Variants in RASSF3 observed in about 807,000 individuals in gnomAD.
RASSF3 encodes the protein ras association domain-containing protein 3.
RASSF3 carries 19 observed loss-of-function variants against 19.9 expected under a neutral mutation model. The observed-to-expected ratio is 0.96, with a 90% CI of 0.67 to 1.40. RASSF3 has a LOEUF of 1.40. Ranked by LOEUF, RASSF3 falls within the 40% of genes most tolerant of loss-of-function variation. The pLI is 0.00. For synonymous variants in RASSF3, 110 were observed against 104.2 expected (o/e 1.06, Z -0.34); for missense variants, 306 against 289.8 (o/e 1.06, Z -0.41).
intron 1 of RASSF3, among the ~76,000 whole-genome samples, chr12:64,682,288 C>T (rs895250063): frequency 5.3e-4 from 81 of 152,190 alleles, no homozygotes; most frequent in Admixed American, 5.2e-4. Context: ...ATAGGCCGGG[C>T]GCCACGAGAT....
Position 64,697,095 on chromosome 12 carries a change from T to G in RASSF3, c.*2183T>G, listed in dbSNP as rs1386769719. 1 of 151,212 alleles carries G rather than the reference T, an allele frequency of 6.6e-6. No individual in the cohort carries two copies. The highest frequency in any genetic ancestry group is 1.5e-5 in the Non-Finnish European group (1 of 67,894). The allele number at this position is 151,212 out of a possible 1,614,324, so 9.4% of individuals were successfully genotyped here. On this transcript the variant is annotated 3_prime_UTR_variant, in exon 5 of 5. Transcript: ENST00000542104. ...TTTTTTTTTTTTTACTTGAAGTAGATTGTCTGAATAGGCATCCTCATCTAT... is the reference window on the plus strand; with the variant it reads ...TTTTTTTTTTTTTACTTGAAGTAGAGTGTCTGAATAGGCATCCTCATCTAT...
intron 1 of RASSF3, among the ~76,000 whole-genome samples, chr12:64,649,158 A>C (rs151143939): frequency 6.7e-6 from 1 of 149,824 alleles, no homozygotes; most frequent in Admixed American, 6.7e-5. Flanking sequence ...GGAGCTTCTA[A>C]TTGGTGTTCT....
chr12:64,675,856 A>C lies in RASSF3; in HGVS notation c.112-8931A>C, dbSNP rs534526930. Among the ~76,000 whole-genome samples the C allele has an allele frequency of 1.2e-4, 18 of 152,200 alleles. No homozygotes were observed. The South Asian group carries it at 3.5e-3, about 30-fold the overall frequency. ...CCGCTTACAAGCTGAACTCAGGCAA[A>C]ATGAACTCCTGAATCCTCACATAAA... On this transcript the variant is annotated intron_variant, in intron 1 of 4. Transcript: ENST00000542104.
intron 2 of RASSF3, among the ~76,000 whole-genome samples, chr12:64,592,171 G>A (rs1447311556): frequency 6.6e-6 from 1 of 152,126 alleles, no homozygotes; most frequent in Non-Finnish European, 1.5e-5. Flanking sequence ...AAAGTGCTGG[G>A]ATTACAGGCA....
intron 1 of RASSF3, among the ~76,000 whole-genome samples, chr12:64,518,288 G>A (rs1351129625): frequency 6.6e-6 from 1 of 152,124 alleles, no homozygotes; most frequent in Non-Finnish European, 1.5e-5. Flanking sequence ...GAAAATACCT[G>A]AGGCTGGGTG....
intron 2 of RASSF3, among the ~76,000 whole-genome samples, chr12:64,563,753 A>T (rs1413285810): frequency 1.3e-5 from 2 of 152,176 alleles, no homozygotes; most frequent in Admixed American, 6.5e-5. Context: ...TGGCTCCTTG[A>T]TTCAGGTCTC....
rs568374358 is a variant in RASSF3 at position 64,523,868 on chromosome 12, C to T, written c.169+16539C>T. On this transcript the variant is annotated intron_variant, in intron 1 of 5. Transcript: ENST00000637125. ...GATTACAAGAACATGCCACTGCACC[C>T]GCCAAGGGACAAATGTTTTCAATAA... is the stretch of plus-strand genomic sequence containing the variant. 1.2e-4 allele frequency among the ~76,000 whole-genome samples: 18 copies of T among 152,008 alleles called. No individual in the cohort carries two copies. The South Asian group carries it at 1.4e-3, about 12-fold the overall frequency.
chr12:64,508,599 T>A (rs979062608), intron 1 of RASSF3, among the ~76,000 whole-genome samples: 6 of 151,562 alleles, frequency 4.0e-5, no homozygotes, highest in Non-Finnish European at 4.4e-5. Flanking sequence ...TTTAAAAGCA[T>A]GCAGACCGGG....
intron 2 of RASSF3, among the ~76,000 whole-genome samples, chr12:64,583,094 T>A (rs914524223): frequency 6.6e-6 from 1 of 151,986 alleles, no homozygotes; most frequent in East Asian, 1.9e-4. Flanking sequence ...CTACCCCACC[T>A]CCGCCCCACT....
chr12:64,615,919 C>T (rs1870538458), intron 1 of RASSF3, among the ~76,000 whole-genome samples: 1 of 152,134 alleles, frequency 6.6e-6, no homozygotes, highest in South Asian at 2.1e-4. Context: ...AGGTGATCCA[C>T]CCACCTCGGC....
intron 1 of RASSF3, among the ~76,000 whole-genome samples, chr12:64,635,793 G>A (rs1353564788): frequency 6.6e-6 from 1 of 152,100 alleles, no homozygotes; most frequent in Non-Finnish European, 1.5e-5. Flanking sequence ...GTGGAGCCTG[G>A]GCTGTGAGGG....
At chr12:64,515,554 C>T (rs1192677019) in intron 1 of RASSF3, 1 of 151,874 alleles carries the variant, frequency 6.6e-6, no homozygotes, top group African/African-American at 2.4e-5. Flanking sequence ...ACTTCTTCTT[C>T]ATTCTTTGTT....
chr12:64,625,949 CCT>C (rs1870975122), intron 1 of RASSF3, among the ~76,000 whole-genome samples: 1 of 152,142 alleles, frequency 6.6e-6, no homozygotes, highest in Admixed American at 6.5e-5. Context: ...CGGTGGGAAA[CCT>C]CTTCCTAGTC....
chr12:64,674,426 A>G (rs1872807399), intron 1 of RASSF3, among the ~76,000 whole-genome samples: 1 of 152,120 alleles, frequency 6.6e-6, no homozygotes. Context: ...TGAAAGATGT[A>G]AAAAAGCAGC....
intron 1 of RASSF3, among the ~76,000 whole-genome samples, chr12:64,680,472 A>G (rs1053780107): frequency 1.3e-5 from 2 of 152,040 alleles, no homozygotes; most frequent in Non-Finnish European, 2.9e-5. Flanking sequence ...TACCTGGCAC[A>G]TGGCAGAAGC....
intron 4 of RASSF3, among the ~76,000 whole-genome samples, chr12:64,692,052 T>C (rs1027425344): frequency 1.3e-5 from 2 of 152,150 alleles, no homozygotes; most frequent in Non-Finnish European, 2.9e-5. Flanking sequence ...ATCTTTTTTT[T>C]CCCCCTTGCC....
At chr12:64,661,358 G>A (rs1163177969) in intron 1 of RASSF3, among the ~76,000 whole-genome samples, 1 of 152,124 alleles carries the variant, frequency 6.6e-6, no homozygotes, top group South Asian at 2.1e-4. Flanking sequence ...ACAGTGTGGC[G>A]CCTGTAGTCC....
At chr12:64,508,989 CTTTAA>C (rs1868310656) in intron 1 of RASSF3, among the ~76,000 whole-genome samples, 1 of 150,906 alleles carries the variant, frequency 6.6e-6, no homozygotes, top group African/African-American at 2.5e-5. Context: ...TCCATTTTTT[CTTTAA>C]TTTTTTTTCA....
At chr12:64,681,848 AC>A in intron 1 of RASSF3, among the ~76,000 whole-genome samples, 1 of 152,266 alleles carries the variant, frequency 6.6e-6, no homozygotes. Context: ...CGTCATCTGT[AC>A]AAAAAATTAG....
Sources: gnomAD v4.1 joint callset for allele counts (sites outside exome capture counted in the v4.1 genomes callset) on GRCh38, gnomAD v4.1.1 for gene constraint, MANE v1.5 for transcripts, NCBI Gene and HGNC (gene_info 2026-07-23, HGNC 2026-07-21) for gene names.